The following FAM186B variants were observed in gnomAD, a reference collection of about 807,000 sequenced individuals.
FAM186B encodes protein FAM186B.
A neutral mutation model predicts 83.4 loss-of-function variants in FAM186B; 68 were observed. That is an observed-to-expected ratio of 0.81 (90% CI 0.67 to 1.00). The LOEUF is 1.00. Ranked by LOEUF, FAM186B falls within the 50% of genes least tolerant of loss-of-function variation. The probability of loss-of-function intolerance (pLI) is 0.00; values close to 1 mark genes in which losing one functional copy is unlikely to be tolerated. For synonymous variants in FAM186B, 389 were observed against 422.0 expected (o/e 0.92, Z 0.96); for missense variants, 983 against 1,099.2 (o/e 0.89, Z 1.49).
rs1298937285 is a variant in FAM186B at position 49,604,512 on chromosome 12, A to G, written c.123T>C (p.Ile41=). 2 of 1,614,166 alleles carry G rather than the reference A, an allele frequency of 1.2e-6. No homozygotes were observed. Among genetic ancestry groups the G allele is most frequent in the Admixed American group, 3.3e-5 (2 of 60,028 alleles). ...TGATGACACAATTGACATTGTCCAA[A>G]ATGTCTGAGAGCTGGGTAGAAATAT... is the stretch of plus-strand genomic sequence containing the variant. ...QEDISTQLSD[I]LDNVNCVINR... The change falls in exon 2 of 7, where the codon ATT becomes ATC. Residue 41 remains isoleucine (I), a synonymous_variant. Transcript: ENST00000257894.
At chr12:49,612,039 G>A in the FAM186B span, among the ~76,000 whole-genome samples, 1 of 151,992 alleles carries the variant, frequency 6.6e-6, no homozygotes, top group African/African-American at 2.4e-5. Context: ...AATACAGTTA[G>A]GTGAATAGCT....
At chr12:49,598,257 A>G (rs1256848889) in intron 5 of FAM186B, among the ~76,000 whole-genome samples, 1 of 152,242 alleles carries the variant, frequency 6.6e-6, no homozygotes, top group Non-Finnish European at 1.5e-5. Context: ...AAAACAAGGA[A>G]GTGAACAAAG....
Position 49,599,956 on chromosome 12 carries a change from G to A in FAM186B, c.1684C>T (p.Pro562Ser), listed in dbSNP as rs780578524. 40 of 1,613,808 alleles carry A rather than the reference G, an allele frequency of 2.5e-5. No individual in the cohort carries two copies. Among genetic ancestry groups the A allele is most frequent in the Non-Finnish European group, 3.0e-5 (35 of 1,179,960 alleles). ...GEDVERRIFT[P>S]TSRWRDLEKA... The stretch of plus-strand genomic sequence containing the variant: ...TCCAAGTCCCTCCATCGACTGGTGG[G>A]TGTGAAGATCCTCCTCTCCACATCC... The change falls in exon 4 of 7, where the codon CCC becomes TCC. Residue 562 changes from proline to serine, a missense_variant. Physicochemically the swap from Pro to Ser is moderately conservative, Grantham distance 74. Transcript: ENST00000257894.
At chr12:49,620,210 G>A in the FAM186B span, among the ~76,000 whole-genome samples, 1 of 152,114 alleles carries the variant, frequency 6.6e-6, no homozygotes, top group African/African-American at 2.4e-5. Flanking sequence ...AAACTGTTAG[G>A]ATAAAATTAG....
At chr12:49,605,759 T>A, upstream of FAM186B, 1 of 124,312 alleles carries the variant, frequency 8.0e-6, no homozygotes. Context: ...TTGCCTTTTC[T>A]TTTTTTTTTT....
chr12:49,612,139 T>C, the FAM186B span, among the ~76,000 whole-genome samples: 5 of 152,240 alleles, frequency 3.3e-5, no homozygotes, highest in African/African-American at 9.6e-5. Flanking sequence ...CATATCAATA[T>C]TAACCTTGAA....
intron 6 of FAM186B, 48 bp downstream of exon 6, chr12:49,588,406 G>T: frequency 1.3e-6 from 2 of 1,568,242 alleles, no homozygotes; most frequent in Non-Finnish European, 1.7e-6. Context: ...CCTGCTCCCT[G>T]CCTCTTCACC....
chr12:49,586,460 C>T (rs145369644), downstream of FAM186B, among the ~76,000 whole-genome samples: 232 of 152,238 alleles, frequency 1.5e-3, no homozygotes, highest in African/African-American at 5.5e-3. Flanking sequence ...TTTATATGCA[C>T]ATATCTCCGT....
Position 49,598,899 on chromosome 12 carries a change from G to T in FAM186B, c.2220C>A (p.Ser740=). Residue 740 remains serine (S), a synonymous_variant, in exon 5 of 7, where the codon TCC becomes TCA. Coordinates refer to ENST00000257894, the MANE Select transcript of FAM186B (RefSeq NM_032130.3). The stretch of plus-strand genomic sequence containing the variant: ...AGATGTAGAGGTTCTGGGCCTTGTA[G>T]GAAGCCTCCGTTTCTTTCATGATTT... ...HVQIMKETEA[S]YKAQNLYIFL... 1.2e-6 allele frequency: 2 copies of T among 1,613,754 alleles called. No homozygotes were observed. Among genetic ancestry groups the T allele is most frequent in the Non-Finnish European group, 1.7e-6 (2 of 1,179,952 alleles).
Position 49,600,981 on chromosome 12 carries a change from A to G in FAM186B, c.659T>C (p.Leu220Pro), listed in dbSNP as rs1372405404. 5.0e-6 allele frequency: 8 copies of G among 1,613,984 alleles called. No homozygotes were observed. The highest frequency in any genetic ancestry group is 6.8e-6 in the Non-Finnish European group (8 of 1,179,982). Residue 220 changes from leucine to proline, a missense_variant, in exon 4 of 7, where the codon CTG (leucine) becomes CCG (proline). By Grantham distance (98) the Leu-to-Pro change is moderately conservative (BLOSUM62 -3). Coordinates refer to ENST00000257894, the MANE Select transcript of FAM186B (RefSeq NM_032130.3). This position sits in a 1 kb window ranked among gnomAD's most constrained non-coding sequence, Gnocchi z 4.3. ...SEVTSMLQEL[L>P]DSTMFSKGEV... The stretch of plus-strand genomic sequence containing the variant: ...CCCCTTGCTGAACATGGTAGAGTCC[A>G]GGAGCTCCTGCAGCATGGACGTCAC...
chr12:49,589,497 C>T (rs140894627), intron 5 of FAM186B, among the ~76,000 whole-genome samples: 283 of 152,160 alleles, frequency 1.9e-3, no homozygotes, highest in African/African-American at 6.6e-3. Context: ...CTATTCCTGC[C>T]ATATGAAAGA....
At position 49,598,792 on chromosome 12, in the gene FAM186B, C is replaced by T. The variant is rs759878663; in HGVS notation, c.2327G>A (p.Arg776Gln). 2 of 1,612,052 alleles carry T rather than the reference C, an allele frequency of 1.2e-6. No individual in the cohort carries two copies. Among genetic ancestry groups the T allele is most frequent in the South Asian group, 2.2e-5 (2 of 90,902 alleles). The part of the protein sequence containing the change: ...DKQKGLEEKH[R>Q]ECLSSMVTMF... The stretch of plus-strand genomic sequence containing the variant: ...GGTCACCATGCTGCTCAGGCACTCT[C>T]GGTGCTTCTCCTCCAGCCCCTTCTG... Residue 776 changes from arginine (R) to glutamine (Q), a missense_variant, in exon 5 of 7, where the codon CGA becomes CAA. Transcript: ENST00000257894.
chr12:49,585,665 A>C (rs1250635666), downstream of FAM186B, among the ~76,000 whole-genome samples: 1 of 152,194 alleles, frequency 6.6e-6, no homozygotes, highest in Non-Finnish European at 1.5e-5. Flanking sequence ...ATGGGACATG[A>C]GGTCAGGCCT....
At chr12:49,593,711 T>G (rs1356860352) in intron 5 of FAM186B, among the ~76,000 whole-genome samples, 1 of 150,654 alleles carries the variant, frequency 6.6e-6, no homozygotes, top group Admixed American at 6.6e-5. Flanking sequence ...AGGTGATTCA[T>G]GCTGTAATCC....
the FAM186B span, among the ~76,000 whole-genome samples, chr12:49,617,538 T>C: frequency 6.6e-6 from 1 of 152,082 alleles, no homozygotes; most frequent in South Asian, 2.1e-4. Context: ...AATGAGACCC[T>C]GTCTCAAAAA....
chr12:49,601,239 T>C (rs1435212311), intron 3 of FAM186B, 105 bp from the exon 4 acceptor site: 3 of 1,429,456 alleles, frequency 2.1e-6, no homozygotes, highest in Non-Finnish European at 1.8e-6. Flanking sequence ...CCTTAGGGAT[T>C]TGGCGAGAGT....
In FAM186B at chr12:49,587,558, G is replaced by A. The variant is rs754562731; in HGVS notation, c.*47C>T. ...AGAATCCACATTGACCATCAGCCTC[G>A]CACCTTACTGGGCCTTCAGGAAGTT... On this transcript the variant is annotated 3_prime_UTR_variant, in exon 7 of 7. Coordinates refer to ENST00000257894, the MANE Select transcript of FAM186B (RefSeq NM_032130.3). 17 of 1,611,256 alleles carry A rather than the reference G, an allele frequency of 1.1e-5. No individual in the cohort carries two copies. The highest frequency in any genetic ancestry group is 3.3e-5 in the Admixed American group (2 of 59,988).
chr12:49,587,656 G>C lies in FAM186B; in HGVS notation c.2631C>G (p.Asp877Glu), dbSNP rs76119682. ...GAATATCTGGGTGTCCCCTCAGCTG[G>C]TCCCGGGGAAGGCTGGCAGGGGTCT... The part of the protein sequence containing the change: ...EKKTPASLPR[D>E]QLRGHPDIPR... Residue 877 changes from aspartate (D) to glutamate (E), a missense_variant, in exon 7 of 7, where the codon GAC becomes GAG. Physicochemically the swap from Asp to Glu is conservative, Grantham distance 45. Transcript: ENST00000257894. The C allele has an allele frequency of 2.0e-4, 317 of 1,613,652 alleles. 3 individuals carry two copies. In the East Asian group the frequency reaches 5.9e-3, roughly 30 times the overall value.
upstream of FAM186B, among the ~76,000 whole-genome samples, chr12:49,605,972 G>A (rs895674673): frequency 2.6e-5 from 4 of 151,434 alleles, no homozygotes; most frequent in African/African-American, 9.7e-5. Context: ...CTGTGTTAGC[G>A]AGGATGGTCT....
Sources: gnomAD v4.1 joint callset for allele counts (sites outside exome capture counted in the v4.1 genomes callset) on GRCh38, gnomAD v4.1.1 for gene constraint, Gnocchi (gnomAD v3.1) non-coding constraint, MANE v1.5 for transcripts, NCBI Gene and HGNC (gene_info 2026-07-23, HGNC 2026-07-21) for gene names.